The following DDR2 variants were observed in gnomAD, a reference collection of about 807,000 sequenced individuals.
DDR2 encodes discoidin domain-containing receptor 2.
Under a neutral mutation model 94.9 loss-of-function variants are expected in DDR2, and 27 were observed. That is an observed-to-expected ratio of 0.28 (90% CI 0.21 to 0.39). The LOEUF (loss-of-function observed/expected upper bound fraction) is 0.39, where lower values mean the gene tolerates loss of function less well. Among genes scored for constraint, DDR2 ranks in the 10% least tolerant of loss-of-function variants. The pLI is 1.00. For synonymous variants in DDR2, 382 were observed against 377.2 expected, an observed-to-expected ratio of 1.01 and a Z score of -0.15; for missense variants, 783 against 1,076.0, an observed-to-expected ratio of 0.73 and a Z score of 3.81.
chr1:162,680,990 G>A (rs1432395162), intron 2 of DDR2, among the ~76,000 whole-genome samples: 1 of 152,060 alleles, frequency 6.6e-6, no homozygotes, highest in African/African-American at 2.4e-5. Context: ...GAACATCGAC[G>A]TCTGCTTGTT....
intron 1 of DDR2, among the ~76,000 whole-genome samples, chr1:162,645,326 T>C (rs1211806389): frequency 6.6e-6 from 1 of 152,230 alleles, no homozygotes; most frequent in Non-Finnish European, 1.5e-5. Flanking sequence ...TAGGATCTTA[T>C]TAAAATATGT....
rs140134368 is a variant in DDR2, at chr1:162,780,149, T to C, written c.2471T>C (p.Val824Ala). The C allele has an allele frequency of 6.6e-5, 107 of 1,613,936 alleles. No individual in the cohort carries two copies. In the African/African-American group the frequency reaches 1.3e-3, roughly 19 times the overall value. The change falls in exon 18 of 18, where the codon GTG (valine) becomes GCG (alanine). Residue 824 changes from valine to alanine, a missense_variant. By Grantham distance (64) the Val-to-Ala change is moderately conservative. This residue lies in a region of DDR2 where 264 missense variants were observed against 428.2 expected (regional missense o/e 0.62). Coordinates refer to ENST00000367921, the MANE Select transcript of DDR2 (RefSeq NM_006182.4). ...CAACCAGCCATTTGTCCTGACTCTG[T>C]GTATAAGCTGATGCTCAGCTGCTGG... Reference protein sequence around the residue: ...LPQPAICPDSVYKLMLSCWRR... With the variant: ...LPQPAICPDSAYKLMLSCWRR...
At chr1:162,678,961 TAAGCC>T (rs1221584574) in intron 2 of DDR2, among the ~76,000 whole-genome samples, 1 of 152,074 alleles carries the variant, frequency 6.6e-6, no homozygotes, top group Non-Finnish European at 1.5e-5. Context: ...ATCATATTTT[TAAGCC>T]AAGAACTCAG....
chr1:162,709,243 A>G (rs1003035522), intron 2 of DDR2, among the ~76,000 whole-genome samples: 3 of 152,228 alleles, frequency 2.0e-5, no homozygotes, highest in Admixed American at 6.5e-5. Context: ...GCAGGGGCTC[A>G]GAGGGTGGAG....
At chr1:162,699,120 C>T (rs1488905185) in intron 2 of DDR2, among the ~76,000 whole-genome samples, 2 of 152,232 alleles carry the variant, frequency 1.3e-5, no homozygotes, top group Non-Finnish European at 2.9e-5. Context: ...TTCTAACTTA[C>T]ACCAGTGCTC....
chr1:162,768,980 G>A (rs1361024709), intron 11 of DDR2, among the ~76,000 whole-genome samples: 2 of 152,212 alleles, frequency 1.3e-5, no homozygotes, highest in Admixed American at 1.3e-4. Context: ...AAGGTTCATT[G>A]AACTGCTTGA....
intron 3 of DDR2, among the ~76,000 whole-genome samples, chr1:162,727,979 A>G (rs971602554): frequency 2.8e-5 from 4 of 142,544 alleles, no homozygotes; most frequent in Non-Finnish European, 6.1e-5. Flanking sequence ...ATATATATAG[A>G]TATAATCACA....
At chr1:162,763,336 C>CTTT (rs56323242) in intron 9 of DDR2, among the ~76,000 whole-genome samples, 13 of 56,534 alleles carry the variant, frequency 2.3e-4, no homozygotes, top group African/African-American at 5.2e-4. Flanking sequence ...CCACGCCCGG[C>CTTT]TTTTTTTTTT....
In DDR2 at chr1:162,657,959, T is replaced by C. The variant is rs190649389; in HGVS notation, c.-28+2585T>C. ...TTTCCATCGCCTTCTCTTTCTCCAT[T>C]TTCTTCTCTCCCTTTGCCATTCACA... is the stretch of plus-strand genomic sequence containing the variant. On this transcript the variant is annotated intron_variant, in intron 2 of 17. Transcript: ENST00000367921. 1.2e-3 allele frequency among the ~76,000 whole-genome samples: 186 copies of C among 152,230 alleles called. 1 individual carries two copies. Among genetic ancestry groups the C allele is most frequent in the African/African-American group, 4.3e-3 (180 of 41,534 alleles).
chr1:162,708,164 C>T (rs1216465615), intron 2 of DDR2, among the ~76,000 whole-genome samples: 7 of 152,160 alleles, frequency 4.6e-5, no homozygotes, highest in Admixed American at 3.9e-4. Context: ...ACTAAGATTG[C>T]TCTGCCAAAA....
chr1:162,772,916 G>A (rs1177535094), intron 13 of DDR2, among the ~76,000 whole-genome samples: 5 of 152,178 alleles, frequency 3.3e-5, no homozygotes, highest in Non-Finnish European at 7.3e-5. Context: ...GGTTTTCAGT[G>A]TGGATCTCAT....
At position 162,783,093 on chromosome 1, in the gene DDR2, A is replaced by T. The variant is rs566536716; in HGVS notation, c.*2847A>T. On this transcript the variant is annotated 3_prime_UTR_variant, in exon 18 of 18. Coordinates refer to ENST00000367921, the MANE Select transcript of DDR2 (RefSeq NM_006182.4). ...TTATTTGGAAAAGGAGATAGAAAAA[A>T]AATGATCAGAAACTGTGGGGCCTTA... The T allele has an allele frequency of 9.2e-5, 14 of 152,360 alleles. No homozygotes were observed. In the East Asian group the frequency reaches 2.7e-3, roughly 29 times the overall value. 9.4% of individuals were successfully genotyped at this position (152,360 alleles called of 1,614,324 possible).
At chr1:162,688,739 G>A (rs1488210864) in intron 2 of DDR2, among the ~76,000 whole-genome samples, 1 of 152,148 alleles carries the variant, frequency 6.6e-6, no homozygotes, top group African/African-American at 2.4e-5. Context: ...AACTGTCCTG[G>A]GTTGAACTTA....
At chr1:162,703,571 C>G (rs940814151) in intron 2 of DDR2, among the ~76,000 whole-genome samples, 2 of 152,108 alleles carry the variant, frequency 1.3e-5, no homozygotes, top group Non-Finnish European at 2.9e-5. Context: ...AAAAAGGGAA[C>G]AAAATTTATT....
At chr1:162,663,161 T>C (rs1225472097) in intron 2 of DDR2, among the ~76,000 whole-genome samples, 7 of 152,220 alleles carry the variant, frequency 4.6e-5, no homozygotes, top group Admixed American at 3.9e-4. Flanking sequence ...GTATGTATCT[T>C]TTCTTGAGAA....
intron 1 of DDR2, among the ~76,000 whole-genome samples, chr1:162,635,313 A>C (rs374323966): frequency 2.0e-5 from 3 of 151,716 alleles, no homozygotes; most frequent in African/African-American, 7.3e-5. Context: ...TGGAGCGGCC[A>C]CCCCCCATAC....
intron 1 of DDR2, among the ~76,000 whole-genome samples, chr1:162,654,198 G>A (rs1404960146): frequency 6.6e-6 from 1 of 152,152 alleles, no homozygotes; most frequent in African/African-American, 2.4e-5. Flanking sequence ...AGCACTTTGT[G>A]AGGCCGAGGT....
At chr1:162,694,347 G>A (rs1660088870) in intron 2 of DDR2, among the ~76,000 whole-genome samples, 1 of 152,102 alleles carries the variant, frequency 6.6e-6, no homozygotes, top group Non-Finnish European at 1.5e-5. Flanking sequence ...CCACACCAAG[G>A]CGATTCCATG....
At chr1:162,644,232 A>G (rs962186755) in intron 1 of DDR2, among the ~76,000 whole-genome samples, 1 of 152,200 alleles carries the variant, frequency 6.6e-6, no homozygotes, top group Non-Finnish European at 1.5e-5. Context: ...AATGAAGTAC[A>G]TGTTGGGGTG....
Sources: allele counts gnomAD v4.1 joint callset (sites outside exome capture counted in the v4.1 genomes callset), GRCh38; gene constraint gnomAD v4.1.1; regional missense constraint gnomAD v4.1.1; transcripts MANE v1.5; gene names NCBI Gene and HGNC (gene_info 2026-07-23, HGNC 2026-07-21).